Variants in PLEKHA1 observed in about 807,000 individuals in gnomAD.
The protein encoded by PLEKHA1 is pleckstrin homology domain-containing family A member 1.
In PLEKHA1, 34 loss-of-function variants were observed where a neutral mutation model predicts 52.0. The ratio of observed to expected loss-of-function variants is 0.65; its 90% CI spans 0.50 to 0.87. The LOEUF (loss-of-function observed/expected upper bound fraction) is 0.87. Among genes scored for constraint, PLEKHA1 ranks in the 40% least tolerant of loss-of-function variants. PLEKHA1 has a pLI of 0.00. For synonymous variants in PLEKHA1, 163 were observed against 170.7 expected, an observed-to-expected ratio of 0.95 and a Z score of 0.35; for missense variants, 497 against 504.2, an observed-to-expected ratio of 0.99 and a Z score of 0.14.
In PLEKHA1 at chr10:122,374,791, C is replaced by T. The variant is rs1437367759; in HGVS notation, c.-36C>T. 3 of 151,644 alleles carry T rather than the reference C, an allele frequency of 2.0e-5. No homozygotes were observed. The highest frequency in any genetic ancestry group is 2.9e-5 in the Non-Finnish European group (2 of 67,848). The allele number at this position is 151,644 out of a possible 1,614,324, so 9.4% of individuals were successfully genotyped here. On this transcript the variant is annotated 5_prime_UTR_variant, in exon 1 of 12. Transcript: ENST00000368990. ...CCGGGGCCGCGGCGGCGCGGGTGCT[C>T]CGGGCCGAGGCCGCGGTAAAGTTTA...
chr10:122,410,503 A>G (rs2097092957), intron 5 of PLEKHA1, among the ~76,000 whole-genome samples: 1 of 152,200 alleles, frequency 6.6e-6, no homozygotes, highest in Non-Finnish European at 1.5e-5. Flanking sequence ...AATTTAGACC[A>G]AGTTTTACAG....
chr10:122,407,664 C>T (rs1327722029), intron 5 of PLEKHA1, among the ~76,000 whole-genome samples: 1 of 152,128 alleles, frequency 6.6e-6, no homozygotes. Context: ...TCACCTTTCC[C>T]TTTACACTTT....
At chr10:122,398,605 G>A in intron 3 of PLEKHA1, among the ~76,000 whole-genome samples, 1 of 151,728 alleles carries the variant, frequency 6.6e-6, no homozygotes, top group Non-Finnish European at 1.5e-5. Context: ...GTGTGTGTGT[G>A]TGTGTGTGTG....
intron 1 of PLEKHA1, among the ~76,000 whole-genome samples, chr10:122,380,445 A>G (rs1185272420): frequency 6.6e-6 from 1 of 152,192 alleles, no homozygotes; most frequent in Non-Finnish European, 1.5e-5. Context: ...TGGAAGTAGC[A>G]AAACGGTTTG....
downstream of PLEKHA1, chr10:122,436,400 G>T (rs2097437695): frequency 6.6e-6 from 1 of 152,106 alleles, no homozygotes; most frequent in South Asian, 2.1e-4. Context: ...TGATAAATAA[G>T]GTTACCAGAA....
intron 4 of PLEKHA1, among the ~76,000 whole-genome samples, chr10:122,405,472 G>A (rs72830801): frequency 0.093 from 14,117 of 151,758 alleles, 777 homozygotes; most frequent in Middle Eastern, 0.17. Flanking sequence ...AATGCAGATG[G>A]CCAATAAACT....
intron 4 of PLEKHA1, among the ~76,000 whole-genome samples, chr10:122,403,346 C>A (rs2096957891): frequency 6.6e-6 from 1 of 152,094 alleles, no homozygotes; most frequent in Non-Finnish European, 1.5e-5. Context: ...TGATAAAATA[C>A]CTTAGAACCT....
chr10:122,393,450 A>AT lies in PLEKHA1; in HGVS notation c.141+112dup, dbSNP rs1442632848. ...GTCTTCTTAAGCAGTATATTTTTAG[A>AT]TTTATTTCTACTGGCTGTCCTCTCT... On this transcript the variant is annotated intron_variant, in intron 2 of 11. Transcript: ENST00000368990. The surrounding 1 kb of genome is among the most constrained non-coding windows in gnomAD (Gnocchi z 4.5). The AT allele has an allele frequency of 3.6e-6, 4 of 1,121,784 alleles. No homozygotes were observed. The highest frequency in any genetic ancestry group is 1.6e-5 in the African/African-American group (1 of 62,018). 69.5% of individuals were successfully genotyped at this position (1,121,784 alleles called of 1,614,324 possible).
rs1028514840 is a variant in PLEKHA1, at chr10:122,431,421, A to G, written c.*1483A>G. ...AGGCGTGAGCCACCATGCCCGGCCC[A>G]TAAGTACCGTTTTTGAGGTTCAGTC... On this transcript the variant is annotated 3_prime_UTR_variant, in exon 12 of 12. Transcript: ENST00000368990. 3.9e-5 allele frequency: 6 copies of G among 152,688 alleles called. No individual in the cohort carries two copies. The highest frequency in any genetic ancestry group is 1.4e-4 in the African/African-American group (6 of 41,466). 9.5% of individuals were successfully genotyped at this position (152,688 alleles called of 1,614,324 possible). A position where few individuals can be genotyped will look rare whatever the true frequency, so the allele number is the denominator to read the frequency against.
Position 122,417,921 on chromosome 10 carries a change from T to C in PLEKHA1, c.634T>C (p.Tyr212His), listed in dbSNP as rs1422816568. ...GTAGATGAAAAACTGGAAGAGAAGA[T>C]ATTTTCAATTGGATGAAAACACAAT... ...GAVMKNWKRR[Y>H]FQLDENTIGY... The change falls in exon 8 of 12, where the codon TAT becomes CAT. Residue 212 changes from tyrosine to histidine, a missense_variant. By Grantham distance (83) the Tyr-to-His change is moderately conservative. Transcript: ENST00000368990. 6.2e-7 allele frequency: 1 copy of C among 1,611,708 alleles called. No homozygotes were observed. Among genetic ancestry groups the C allele is most frequent in the Non-Finnish European group, 8.5e-7 (1 of 1,178,258 alleles).
At position 122,374,708 on chromosome 10, in the gene PLEKHA1, G is replaced by C. The variant is rs1004894203; in HGVS notation, c.-119G>C. On this transcript the variant is annotated 5_prime_UTR_variant, in exon 1 of 12. Coordinates refer to ENST00000368990, the MANE Select transcript of PLEKHA1 (RefSeq NM_001001974.4). Reference sequence around the variant, plus strand: ...GCTGAGGCAGCGTGGGGACGCGTGCGCAGTGCGCGGGCTGGCCGTCGCGGA... The same window carrying C: ...GCTGAGGCAGCGTGGGGACGCGTGCCCAGTGCGCGGGCTGGCCGTCGCGGA... 3 of 151,892 alleles carry C rather than the reference G, an allele frequency of 2.0e-5. No individual in the cohort carries two copies. The highest frequency in any genetic ancestry group is 7.2e-5 in the African/African-American group (3 of 41,414). The allele number at this position is 151,892 out of a possible 1,614,324, so 9.4% of individuals were successfully genotyped here. A position where few individuals can be genotyped will look rare whatever the true frequency, so the allele number is the denominator to read the frequency against.
chr10:122,414,531 A>G (rs984836457), intron 6 of PLEKHA1, among the ~76,000 whole-genome samples: 1 of 152,162 alleles, frequency 6.6e-6, no homozygotes, highest in African/African-American at 2.4e-5. Context: ...ACTGGGAGAA[A>G]ATATTTGCAA....
intron 1 of PLEKHA1, among the ~76,000 whole-genome samples, chr10:122,386,024 T>A (rs1305916971): frequency 1.3e-5 from 2 of 152,210 alleles, no homozygotes; most frequent in Non-Finnish European, 2.9e-5. Flanking sequence ...GCCGGGTTGT[T>A]CGCTAAGGAT....
intron 5 of PLEKHA1, among the ~76,000 whole-genome samples, chr10:122,410,765 T>A (rs2097096093): frequency 1.3e-5 from 2 of 152,196 alleles, no homozygotes; most frequent in Non-Finnish European, 2.9e-5. Context: ...TCGGTATTTT[T>A]TAGAATGATT....
chr10:122,378,071 G>T (rs1256457654), intron 1 of PLEKHA1, among the ~76,000 whole-genome samples: 1 of 152,112 alleles, frequency 6.6e-6, no homozygotes, highest in Non-Finnish European at 1.5e-5. Context: ...GCCTTTTATG[G>T]TTTAACCATT....
downstream of PLEKHA1, chr10:122,437,100 G>T (rs1325574318): frequency 7.1e-6 from 1 of 140,250 alleles, no homozygotes; most frequent in Non-Finnish European, 1.5e-5. Context: ...TAGGGCCTTT[G>T]GTCCCAATGG....
chr10:122,375,275 G>A (rs2133395664), intron 1 of PLEKHA1, among the ~76,000 whole-genome samples: 1 of 152,210 alleles, frequency 6.6e-6, no homozygotes, highest in Admixed American at 6.5e-5. Context: ...CTCCCTCCAG[G>A]GCTGTGCCCG....
chr10:122,398,221 A>C (rs1261127614), intron 3 of PLEKHA1, among the ~76,000 whole-genome samples: 1 of 152,182 alleles, frequency 6.6e-6, no homozygotes, highest in Non-Finnish European at 1.5e-5. Context: ...GATCAGGTAT[A>C]TGAACATCAG....
At chr10:122,423,983 C>T (rs1295306083) in intron 8 of PLEKHA1, 6 of 565,910 alleles carry the variant, frequency 1.1e-5, no homozygotes, top group African/African-American at 9.8e-5. Flanking sequence ...GGGCCGTATG[C>T]AGTTTTTCTT....
Sources: gnomAD v4.1 joint callset for allele counts (sites outside exome capture counted in the v4.1 genomes callset) on GRCh38, gnomAD v4.1.1 for gene constraint, Gnocchi (gnomAD v3.1) non-coding constraint, MANE v1.5 for transcripts, NCBI Gene and HGNC (gene_info 2026-07-23, HGNC 2026-07-21) for gene names.